The following DDHD2 variants were observed in gnomAD, a reference collection of about 807,000 sequenced individuals.
DDHD2 encodes triacylglycerol hydrolase DDHD2.
Under a neutral mutation model 91.2 loss-of-function variants are expected in DDHD2, and 62 were observed. The ratio of observed to expected loss-of-function variants is 0.68; its 90% confidence interval spans 0.55 to 0.84. DDHD2 has a LOEUF of 0.84. Ranked by LOEUF, DDHD2 falls within the 40% of genes least tolerant of loss-of-function variation. The pLI is 0.00. For synonymous variants in DDHD2, 271 were observed against 293.9 expected (o/e 0.92, Z 0.80); for missense variants, 740 against 846.9 (o/e 0.87, Z 1.57).
chr8:38,268,299 C>T (rs981669216), intron 1 of DDHD2: 67 of 1,363,536 alleles, frequency 4.9e-5, no homozygotes, highest in Non-Finnish European at 6.7e-5. Context: ...ACAGGCTCAC[C>T]GTGGCTGAAT....
At chr8:38,269,242 TCCGCGGGGAGGGCCGGGCCGGGAA>T in intron 1 of DDHD2, 1 of 1,411,660 alleles carries the variant, frequency 7.1e-7, no homozygotes, top group Non-Finnish European at 9.2e-7. Flanking sequence ...CGTGGCCACC[TCCGCGGGGAGGGCCGGGCCGGGAA>T]CTGGGCACCG....
chr8:38,235,983 A>G (rs1173551109), intron 3 of DDHD2, among the ~76,000 whole-genome samples: 1 of 151,958 alleles, frequency 6.6e-6, no homozygotes, highest in Admixed American at 6.6e-5. Flanking sequence ...GAAAACTGAA[A>G]TTTTTCTTTA....
downstream of DDHD2, chr8:38,267,023 T>G: frequency 7.2e-7 from 1 of 1,395,694 alleles, no homozygotes; most frequent in Non-Finnish European, 9.3e-7. Context: ...GATTGCAGGA[T>G]CTAGGCAAAT....
At chr8:38,242,057 A>C in intron 6 of DDHD2, 193 bp from the exon 7 acceptor site, 1 of 525,948 alleles carries the variant, frequency 1.9e-6, no homozygotes, top group South Asian at 2.6e-5. Context: ...CCATCTCAAA[A>C]AAAAAAAGTT....
At chr8:38,268,136 A>G in intron 1 of DDHD2, 1 of 1,399,976 alleles carries the variant, frequency 7.1e-7, no homozygotes, top group South Asian at 1.5e-5. Context: ...CTTTTGTACT[A>G]GGCCAAAGAC....
At chr8:38,268,575 G>C (rs1262873090) in intron 1 of DDHD2, 4 of 1,470,448 alleles carry the variant, frequency 2.7e-6, no homozygotes, top group Non-Finnish European at 1.8e-6. Context: ...TAAGGTCTCT[G>C]AGTGCGCGTA....
In DDHD2 at chr8:38,260,033, T is replaced by C; in HGVS notation, c.2055-7T>C. On this transcript the variant is annotated splice_region_variant and splice_polypyrimidine_tract_variant and intron_variant, in intron 16 of 17. Transcript: ENST00000397166. Reference sequence around the variant, plus strand: ...CCTTTTCTCAACATAATTTTTTCTCTTTATAGGGAGTCTGAAGATACAGTA... The same window carrying C: ...CCTTTTCTCAACATAATTTTTTCTCCTTATAGGGAGTCTGAAGATACAGTA... The C allele has an allele frequency of 6.3e-7, 1 of 1,598,144 alleles. No individual in the cohort carries two copies. Among genetic ancestry groups the C allele is most frequent in the Non-Finnish European group, 8.6e-7 (1 of 1,165,780 alleles).
At chr8:38,263,513 CTTCT>C (rs1047824212), downstream of DDHD2, 4 of 985,274 alleles carry the variant, frequency 4.1e-6, no homozygotes, top group African/African-American at 1.7e-5. Context: ...TGACCATTTT[CTTCT>C]TTATTATTGT....
intron 7 of DDHD2, among the ~76,000 whole-genome samples, chr8:38,244,219 A>T (rs1585725774): frequency 6.6e-6 from 1 of 152,114 alleles, no homozygotes; most frequent in African/African-American, 2.4e-5. Flanking sequence ...AAGTGCTGGG[A>T]TTACAGGTGT....
chr8:38,241,020 G>T (rs1225354380), intron 6 of DDHD2, among the ~76,000 whole-genome samples: 1 of 147,902 alleles, frequency 6.8e-6, no homozygotes, highest in African/African-American at 2.5e-5. Flanking sequence ...GCAGTGAGCC[G>T]AGATCGGGCC....
chr8:38,257,902 G>C (rs1806655768), intron 16 of DDHD2, among the ~76,000 whole-genome samples: 1 of 150,962 alleles, frequency 6.6e-6, no homozygotes, highest in African/African-American at 2.4e-5. Flanking sequence ...GACCTCAAGT[G>C]ATCCCACCTC....
At chr8:38,254,599 A>G (rs1720479068) in intron 16 of DDHD2, among the ~76,000 whole-genome samples, 2 of 152,106 alleles carry the variant, frequency 1.3e-5, no homozygotes, top group Non-Finnish European at 2.9e-5. Context: ...CTAAACTTCA[A>G]GCAATCAATC....
rs1386891750 is a variant in DDHD2, at chr8:38,233,095, G to A, written c.101G>A (p.Gly34Asp). 1 of 1,614,112 alleles carries A rather than the reference G, an allele frequency of 6.2e-7. No individual in the cohort carries two copies. Among genetic ancestry groups the A allele is most frequent in the Non-Finnish European group, 8.5e-7 (1 of 1,179,992 alleles). The change falls in exon 2 of 18, where the codon GGC (glycine) becomes GAC (aspartate). Residue 34 changes from glycine (G) to aspartate (D), a missense_variant. Around this residue, in one of 2 missense-constraint regions of DDHD2, gnomAD observed 693 missense variants for 764.2 expected, o/e 0.91. Transcript: ENST00000397166. The stretch of plus-strand genomic sequence containing the variant: ...TTTGAGCTAATAGACATGGATGCTG[G>A]CAGCTTGTATGAACCAGTTTCTCCC... ...SSFELIDMDA[G>D]SLYEPVSPHW...
chr8:38,248,421 A>G (rs544480911), intron 10 of DDHD2, among the ~76,000 whole-genome samples: 1 of 147,914 alleles, frequency 6.8e-6, no homozygotes, highest in African/African-American at 2.5e-5. Flanking sequence ...GGTTTGTGAT[A>G]CATTCACTCA....
intron 7 of DDHD2, among the ~76,000 whole-genome samples, chr8:38,244,202 C>A (rs1805451764): frequency 6.6e-6 from 1 of 152,158 alleles, no homozygotes; most frequent in Non-Finnish European, 1.5e-5. Context: ...TCTGCTTTGG[C>A]CTCTTAAAGT....
downstream of DDHD2, chr8:38,264,827 C>CTTAT (rs1482715284): frequency 2.5e-6 from 4 of 1,574,874 alleles, no homozygotes; most frequent in African/African-American, 4.1e-5. Flanking sequence ...AATCAAAACA[C>CTTAT]ATCTTAAGTA....
chr8:38,270,028 TCAA>T (rs1440307597), intron 1 of DDHD2: 1 of 152,196 alleles, frequency 6.6e-6, no homozygotes. Flanking sequence ...CATAGGCCAA[TCAA>T]CAAAATCCTC....
intron 11 of DDHD2, 95 bp downstream of exon 11, chr8:38,249,898 C>T: frequency 1.2e-6 from 1 of 803,588 alleles, no homozygotes; most frequent in South Asian, 1.9e-5. Context: ...GGGAGCCAAG[C>T]AGTTTTTTGG....
chr8:38,240,248 T>C (rs748538504), intron 5 of DDHD2, 27 bp from the exon 6 acceptor site: 2 of 1,421,212 alleles, frequency 1.4e-6, no homozygotes. Flanking sequence ...TTATACAGAA[T>C]AATTTTCTTT....
Sources: allele counts gnomAD v4.1 joint callset (sites outside exome capture counted in the v4.1 genomes callset), GRCh38; gene constraint gnomAD v4.1.1; regional missense constraint gnomAD v4.1.1; transcripts MANE v1.5; gene names NCBI Gene and HGNC (gene_info 2026-07-23, HGNC 2026-07-21).